ZNF385D: variants seen among roughly 807,000 people sequenced by gnomAD.
ZNF385D encodes the protein zinc finger protein 659.
A neutral mutation model predicts 35.8 loss-of-function variants in ZNF385D; 15 were observed. The ratio of observed to expected loss-of-function variants is 0.42; its 90% CI spans 0.28 to 0.64. ZNF385D has a LOEUF of 0.64. Among genes scored for constraint, ZNF385D ranks in the 30% least tolerant of loss-of-function variants. The pLI is 0.23. For synonymous variants in ZNF385D, 212 were observed against 186.8 expected (o/e 1.13, Z -1.10); for missense variants, 474 against 494.6 (o/e 0.96, Z 0.39).
chr3:21,453,061 C>A (rs1454642634), intron 4 of ZNF385D, among the ~76,000 whole-genome samples: 1 of 151,618 alleles, frequency 6.6e-6, no homozygotes, highest in African/African-American at 2.4e-5. Context: ...TGGAAGGAAA[C>A]CCATACATTT....
At chr3:21,952,108 G>C (rs1575995057) in intron 3 of ZNF385D, among the ~76,000 whole-genome samples, 1 of 148,632 alleles carries the variant, frequency 6.7e-6, no homozygotes, top group East Asian at 1.9e-4. Context: ...TTCCTATCCA[G>C]AATGTTGCCT....
intron 3 of ZNF385D, among the ~76,000 whole-genome samples, chr3:22,012,370 T>C (rs886421831): frequency 1.3e-5 from 2 of 152,156 alleles, no homozygotes; most frequent in Non-Finnish European, 2.9e-5. Context: ...GCTAACTATA[T>C]ACCACAAATG....
chr3:21,650,812 G>A (rs1187651125), intron 2 of ZNF385D, among the ~76,000 whole-genome samples: 1 of 152,024 alleles, frequency 6.6e-6, no homozygotes, highest in Non-Finnish European at 1.5e-5. Context: ...CAGTGTGTTT[G>A]GCCTTAAATA....
intron 2 of ZNF385D, among the ~76,000 whole-genome samples, chr3:21,602,197 A>G (rs1228116199): frequency 2.0e-5 from 3 of 152,012 alleles, no homozygotes; most frequent in Non-Finnish European, 4.4e-5. Flanking sequence ...GTATGGGGGA[A>G]ACTGCCCCCA....
At chr3:22,312,001 C>T (rs138486540) in intron 2 of ZNF385D, among the ~76,000 whole-genome samples, 2 of 152,212 alleles carry the variant, frequency 1.3e-5, no homozygotes, top group African/African-American at 4.8e-5. Context: ...GCATTAGAAT[C>T]CTACAATTAT....
intron 2 of ZNF385D, among the ~76,000 whole-genome samples, chr3:21,565,733 T>TCAAA (rs2063120525): frequency 1.3e-5 from 2 of 152,182 alleles, no homozygotes; most frequent in Admixed American, 6.5e-5. Flanking sequence ...AATATCAGCC[T>TCAAA]CAAACACTAT....
intron 3 of ZNF385D, among the ~76,000 whole-genome samples, chr3:21,801,988 G>A (rs890578832): frequency 6.6e-6 from 1 of 152,002 alleles, no homozygotes; most frequent in Non-Finnish European, 1.5e-5. Flanking sequence ...ATTCATAAAT[G>A]GCACCATTTC....
chr3:22,045,895 AT>A (rs1458056122), intron 3 of ZNF385D, among the ~76,000 whole-genome samples: 1 of 152,092 alleles, frequency 6.6e-6, no homozygotes, highest in African/African-American at 2.4e-5. Flanking sequence ...TAGAATTATA[AT>A]GGAGATCTAA....
chr3:21,969,822 G>C (rs1214593124), intron 3 of ZNF385D, among the ~76,000 whole-genome samples: 1 of 152,080 alleles, frequency 6.6e-6, no homozygotes, highest in African/African-American at 2.4e-5. Context: ...AGGGGTGCCT[G>C]TGTCACCCTA....
chr3:21,688,333 C>A (rs764422057), intron 1 of ZNF385D, among the ~76,000 whole-genome samples: 2 of 152,042 alleles, frequency 1.3e-5, no homozygotes, highest in Non-Finnish European at 2.9e-5. Flanking sequence ...AATGCCCCAT[C>A]ATTGGTCATT....
At chr3:22,076,651 C>G (rs144173448) in intron 3 of ZNF385D, among the ~76,000 whole-genome samples, 5 of 151,912 alleles carry the variant, frequency 3.3e-5, no homozygotes, top group African/African-American at 1.2e-4. Flanking sequence ...TAGTTTTATC[C>G]CTAGTATCTG....
At chr3:21,884,072 G>A (rs996141801) in intron 3 of ZNF385D, among the ~76,000 whole-genome samples, 1 of 151,988 alleles carries the variant, frequency 6.6e-6, no homozygotes, top group African/African-American at 2.4e-5. Flanking sequence ...CGGATGGTTT[G>A]CAAAGAAAAG....
chr3:21,429,311 T>A (rs998210289), intron 5 of ZNF385D, among the ~76,000 whole-genome samples: 10 of 152,122 alleles, frequency 6.6e-5, no homozygotes, highest in Admixed American at 4.6e-4. Context: ...ACATGTGCAT[T>A]TTAAAAAGTT....
chr3:21,797,924 G>A (rs2072225001), intron 3 of ZNF385D, among the ~76,000 whole-genome samples: 1 of 152,138 alleles, frequency 6.6e-6, no homozygotes, highest in African/African-American at 2.4e-5. Flanking sequence ...CCATAACCAT[G>A]GAAATATACC....
intron 3 of ZNF385D, among the ~76,000 whole-genome samples, chr3:21,920,268 T>C (rs139880099): frequency 9.2e-5 from 14 of 152,260 alleles, no homozygotes; most frequent in African/African-American, 1.7e-4. Context: ...GACTTAACAC[T>C]ATGACCAGGG....
At chr3:22,257,442 G>T in intron 2 of ZNF385D, among the ~76,000 whole-genome samples, 1 of 151,612 alleles carries the variant, frequency 6.6e-6, no homozygotes, top group Non-Finnish European at 1.5e-5. Flanking sequence ...ATGTGCAATT[G>T]CATCATCATT....
intron 3 of ZNF385D, among the ~76,000 whole-genome samples, chr3:22,118,686 G>C (rs1702933690): frequency 6.6e-6 from 1 of 152,034 alleles, no homozygotes; most frequent in Non-Finnish European, 1.5e-5. Context: ...GACAAACAAA[G>C]AGCAGATAGC....
At chr3:22,100,780 A>G (rs574734108) in intron 3 of ZNF385D, among the ~76,000 whole-genome samples, 1 of 152,050 alleles carries the variant, frequency 6.6e-6, no homozygotes, top group South Asian at 2.1e-4. Flanking sequence ...ACATGTATAC[A>G]TATGTAACTA....
chr3:21,905,482 TAAG>T (rs1448715172), intron 3 of ZNF385D, among the ~76,000 whole-genome samples: 1 of 147,510 alleles, frequency 6.8e-6, no homozygotes, highest in Non-Finnish European at 1.5e-5. Context: ...CTGCTCAACT[TAAG>T]AAGGGCTGAT....
Sources: allele counts gnomAD v4.1 joint callset (sites outside exome capture counted in the v4.1 genomes callset), GRCh38; gene constraint gnomAD v4.1.1; transcripts MANE v1.5; gene names NCBI Gene and HGNC (gene_info 2026-07-23, HGNC 2026-07-21).